Variants in ZNF91 observed in about 807,000 individuals in gnomAD.
The protein encoded by ZNF91 is zinc finger protein 91.
In ZNF91, 7 loss-of-function variants were observed where a neutral mutation model predicts 12.6. The observed-to-expected ratio is 0.55, with a 90% CI of 0.31 to 1.04. The LOEUF (loss-of-function observed/expected upper bound fraction) is 1.04, where lower values mean the gene tolerates loss of function less well. Among genes scored for constraint, ZNF91 ranks in the 50% least tolerant of loss-of-function variants. The probability of loss-of-function intolerance (pLI) is 0.05; values close to 1 mark genes in which losing one functional copy is unlikely to be tolerated. For missense variants in ZNF91, 1,217 were observed against 1,385.4 expected (o/e 0.88, Z 1.93); for synonymous variants, 453 against 462.6 (o/e 0.98, Z 0.27).
intron 3 of ZNF91, among the ~76,000 whole-genome samples, chr19:23,363,283 T>G (rs1214429561): frequency 1.3e-5 from 2 of 152,224 alleles, no homozygotes; most frequent in Non-Finnish European, 2.9e-5. Context: ...GGGCTTTTCC[T>G]GACACTGATT....
downstream of ZNF91, chr19:23,338,063 G>C (rs1017821305): frequency 6.6e-6 from 1 of 151,974 alleles, no homozygotes; most frequent in Non-Finnish European, 1.5e-5. Flanking sequence ...ACATCAAAAA[G>C]TTTAGAAAAC....
rs752984386 is a variant in ZNF91, at chr19:23,359,106, T to C, written c.*297A>G. The C allele has an allele frequency of 3.5e-6, 2 of 564,428 alleles. No individual in the cohort carries two copies. Among genetic ancestry groups the C allele is most frequent in the Non-Finnish European group, 6.8e-6 (2 of 296,046 alleles). 35.0% of individuals were successfully genotyped at this position (564,428 alleles called of 1,614,324 possible). On this transcript the variant is annotated 3_prime_UTR_variant, in exon 4 of 4. Transcript: ENST00000300619. ...ACCAGAAAAAGGATTTGCCACATTC[T>C]TCACATTTGTAGAGTTTTACTCCAG...
At chr19:23,379,993 A>G (rs1043297512) in intron 1 of ZNF91, among the ~76,000 whole-genome samples, 1 of 152,102 alleles carries the variant, frequency 6.6e-6, no homozygotes, top group African/African-American at 2.4e-5. Context: ...GCGGTGGCTC[A>G]TGCCTGTAAT....
At chr19:23,326,885 T>C (rs1350890806) in intron 1 of ZNF91, 1 of 152,212 alleles carries the variant, frequency 6.6e-6, no homozygotes, top group African/African-American at 2.4e-5. Flanking sequence ...AGAAAATGCT[T>C]GCTAATGCCT....
At chr19:23,318,669 C>CTT (rs34062806) in intron 1 of ZNF91, among the ~76,000 whole-genome samples, 1 of 151,880 alleles carries the variant, frequency 6.6e-6, no homozygotes, top group Non-Finnish European at 1.5e-5. Context: ...GAGATTATCA[C>CTT]GTCTCTGATT....
intron 3 of ZNF91, among the ~76,000 whole-genome samples, chr19:23,348,247 T>G (rs1305733520): frequency 6.6e-6 from 1 of 152,214 alleles, no homozygotes; most frequent in Non-Finnish European, 1.5e-5. Flanking sequence ...ACACTCTTTT[T>G]ATAGTCCCTT....
At chr19:23,318,416 T>A (rs887739846) in intron 1 of ZNF91, among the ~76,000 whole-genome samples, 7 of 152,146 alleles carry the variant, frequency 4.6e-5, no homozygotes, top group Non-Finnish European at 1.0e-4. Context: ...GACTCTTCTA[T>A]TCTTTTTAGG....
At chr19:23,328,589 T>C (rs1181858246) in intron 1 of ZNF91, 1 of 152,082 alleles carries the variant, frequency 6.6e-6, no homozygotes, top group African/African-American at 2.4e-5. Context: ...GGCCAAAAAG[T>C]AGTATGATGA....
intron 1 of ZNF91, among the ~76,000 whole-genome samples, chr19:23,384,195 A>C (rs372110190): frequency 2.0e-5 from 3 of 152,362 alleles, no homozygotes; most frequent in East Asian, 3.9e-4. Flanking sequence ...AGGTTTCCAC[A>C]TCAGGAAAAC....
chr19:23,386,629 T>C (rs1305698781), intron 1 of ZNF91, among the ~76,000 whole-genome samples: 3 of 152,144 alleles, frequency 2.0e-5, no homozygotes, highest in African/African-American at 7.2e-5. Context: ...CTGGACCCCT[T>C]TATTACACCA....
chr19:23,351,280 C>T (rs992671347), intron 3 of ZNF91, among the ~76,000 whole-genome samples: 6 of 149,452 alleles, frequency 4.0e-5, no homozygotes, highest in African/African-American at 9.9e-5. Flanking sequence ...GCCAAGATCA[C>T]ACCACTGCAC....
intron 1 of ZNF91, among the ~76,000 whole-genome samples, chr19:23,331,205 GTA>G (rs768741738): frequency 2.0e-5 from 3 of 152,134 alleles, no homozygotes; most frequent in Non-Finnish European, 2.9e-5. Flanking sequence ...GCTGTCTTCT[GTA>G]TATGTTAGAC....
downstream of ZNF91, among the ~76,000 whole-genome samples, chr19:23,337,013 T>C (rs994906879): frequency 1.3e-5 from 2 of 152,200 alleles, no homozygotes; most frequent in African/African-American, 4.8e-5. Flanking sequence ...ATGTGTTGGG[T>C]GCAAGTATAA....
chr19:23,342,250 T>C, intron 3 of ZNF91: 1 of 496,040 alleles, frequency 2.0e-6, no homozygotes, highest in South Asian at 3.4e-5. Flanking sequence ...CAGATCAGAG[T>C]TAGAGACAGC....
Position 23,395,387 on chromosome 19 carries a change from C to T in ZNF91, c.-33G>A. On this transcript the variant is annotated 5_prime_UTR_variant, in exon 1 of 4. The change creates a new upstream start codon in the 5' untranslated region. Coordinates refer to ENST00000300619, the MANE Select transcript of ZNF91 (RefSeq NM_003430.4). ...GTGGCTCTCCAATACCTGCAGGTCA[C>T]AGGGCCACACAGGCTGGGCCTCCTG... 1 of 1,612,440 alleles carries T rather than the reference C, an allele frequency of 6.2e-7. No individual in the cohort carries two copies. The highest frequency in any genetic ancestry group is 8.5e-7 in the Non-Finnish European group (1 of 1,179,166).
At position 23,373,797 on chromosome 19, in the gene ZNF91, C is replaced by T. The variant is rs1969393165; in HGVS notation, c.198G>A (p.Glu66=). ...LSKPDLITYL[E]QGKEPWNMKQ... The stretch of plus-strand genomic sequence containing the variant: ...TCATATTCCAGGGCTCTTTTCCTTG[C>T]TCCAGATAAGTAATCAGGTCTGGCT... Residue 66 remains glutamate (E), a synonymous_variant, in exon 3 of 4, where the codon GAG becomes GAA. Coordinates refer to ENST00000300619, the MANE Select transcript of ZNF91 (RefSeq NM_003430.4). 2.5e-6 allele frequency: 4 copies of T among 1,611,340 alleles called. No homozygotes were observed. The East Asian group carries it at 9.0e-5, about 36-fold the overall frequency.
chr19:23,381,555 G>T (rs903123872), intron 1 of ZNF91, among the ~76,000 whole-genome samples: 1 of 150,208 alleles, frequency 6.7e-6, no homozygotes, highest in African/African-American at 2.5e-5. Context: ...TCCACCTCCT[G>T]GATTCAAGTG....
intron 3 of ZNF91, among the ~76,000 whole-genome samples, chr19:23,351,564 A>G (rs1348010544): frequency 6.6e-6 from 1 of 152,176 alleles, no homozygotes; most frequent in Non-Finnish European, 1.5e-5. Context: ...AATGTAAATG[A>G]TTGCAATTCT....
downstream of ZNF91, chr19:23,337,837 C>G (rs1968045312): frequency 1.3e-5 from 2 of 152,006 alleles, no homozygotes; most frequent in Non-Finnish European, 2.9e-5. Flanking sequence ...AATTATGGAA[C>G]TGAAGATTTA....
Sources: gnomAD v4.1 joint callset for allele counts (sites outside exome capture counted in the v4.1 genomes callset) on GRCh38, gnomAD v4.1.1 for gene constraint, MANE v1.5 for transcripts, NCBI Gene and HGNC (gene_info 2026-07-23, HGNC 2026-07-21) for gene names.